SLK: variants seen among roughly 807,000 people sequenced by gnomAD.
The protein encoded by SLK is STE20-like serine/threonine-protein kinase.
In SLK, 67 loss-of-function variants were observed where a neutral mutation model predicts 147.7. The observed-to-expected ratio is 0.45, with a 90% CI of 0.37 to 0.56. The LOEUF is 0.56. Ranked by LOEUF, SLK falls within the 20% of genes least tolerant of loss-of-function variation. The pLI is 0.00. For synonymous variants in SLK, 441 were observed against 475.0 expected, an observed-to-expected ratio of 0.93 and a Z score of 0.93; for missense variants, 1,136 against 1,438.8, an observed-to-expected ratio of 0.79 and a Z score of 3.41.
chr10:104,016,067 C>T (rs906952637), intron 13 of SLK, among the ~76,000 whole-genome samples: 3 of 152,026 alleles, frequency 2.0e-5, no homozygotes, highest in African/African-American at 7.2e-5. Flanking sequence ...GCTTGTAATC[C>T]CAGCACTTTG....
chr10:104,005,823 A>C, intron 10 of SLK, 89 bp from the exon 11 acceptor site: 1 of 1,520,720 alleles, frequency 6.6e-7, no homozygotes, highest in Non-Finnish European at 8.9e-7. Context: ...GTTCCACTCG[A>C]AAGAAAATTT....
At chr10:104,023,524 G>A (rs150142919) in intron 18 of SLK, among the ~76,000 whole-genome samples, 166 of 152,286 alleles carry the variant, frequency 1.1e-3, no homozygotes, top group African/African-American at 3.8e-3. Flanking sequence ...TAGTACCTGA[G>A]CTATAGTAAT....
intron 1 of SLK, among the ~76,000 whole-genome samples, chr10:103,980,786 C>T (rs1843930586): frequency 6.6e-6 from 1 of 152,082 alleles, no homozygotes; most frequent in Non-Finnish European, 1.5e-5. Flanking sequence ...TAGCTACGAA[C>T]GTGGGTGTAC....
intron 4 of SLK, 22 bp from the exon 5 acceptor site, chr10:103,998,877 G>T (rs779972385): frequency 6.3e-6 from 10 of 1,579,646 alleles, no homozygotes; most frequent in Non-Finnish European, 8.7e-6. Flanking sequence ...TCTCATTAAT[G>T]CTTTTGTGTG....
chr10:104,008,000 A>AT (rs910450932), intron 11 of SLK, among the ~76,000 whole-genome samples, 177 bp from the exon 12 acceptor site: 1 of 152,006 alleles, frequency 6.6e-6, no homozygotes, highest in Admixed American at 6.6e-5. Flanking sequence ...AAAAGAACTC[A>AT]TTTTTTTGAG....
intron 1 of SLK, among the ~76,000 whole-genome samples, chr10:103,986,073 T>C (rs1844008569): frequency 6.6e-6 from 1 of 152,210 alleles, no homozygotes; most frequent in African/African-American, 2.4e-5. Context: ...TTTTTGTTTT[T>C]AACATTTGTT....
chr10:104,005,680 G>A lies in SLK; in HGVS notation c.2469G>A (p.Leu823=), dbSNP rs570410170. 5.0e-6 allele frequency: 8 copies of A among 1,610,674 alleles called. No individual in the cohort carries two copies. The South Asian group carries it at 6.7e-5, about 13-fold the overall frequency. The change falls in exon 10 of 19, where the codon TTG becomes TTA. Residue 823 remains leucine, a synonymous_variant. Coordinates refer to ENST00000369755, the MANE Select transcript of SLK (RefSeq NM_014720.4). ...ATAGTGATTCCAAAACTGAAGAATT[G>A]CGGTTTCTTAGGTGAGTAGAGAAAC... ...VTDSDSKTEE[L]RFLRRQELRE...
intron 1 of SLK, among the ~76,000 whole-genome samples, chr10:103,981,984 C>T (rs1843951506): frequency 6.6e-6 from 1 of 152,138 alleles, no homozygotes; most frequent in East Asian, 1.9e-4. Context: ...TTATTTATGT[C>T]TTTGATTTCT....
intron 4 of SLK, among the ~76,000 whole-genome samples, chr10:103,997,886 A>C (rs1375096027): frequency 6.6e-6 from 1 of 152,136 alleles, no homozygotes; most frequent in Non-Finnish European, 1.5e-5. Context: ...TTTTATTTGA[A>C]TATAGGGACA....
intron 1 of SLK, among the ~76,000 whole-genome samples, chr10:103,971,287 TG>T (rs1157452558): frequency 5.3e-5 from 8 of 152,358 alleles, no homozygotes; most frequent in African/African-American, 1.9e-4. Context: ...TGTTTTGTTT[TG>T]TTTTGAGATG....
Position 104,002,641 on chromosome 10 carries a change from C to T in SLK, c.1463C>T (p.Ser488Phe). Residue 488 changes from serine (S) to phenylalanine (F), a missense_variant, in exon 9 of 19, where the codon TCT becomes TTT. Ser to Phe is a radical substitution (Grantham distance 155, BLOSUM62 -2). Transcript: ENST00000369755. ...ATGTTTGAAAATAAGCTTATAAAAT[C>T]TGAAGAAATTAAAGATACTATTTTG... ...QQMFENKLIK[S>F]EEIKDTILQT... The T allele has an allele frequency of 6.2e-7, 1 of 1,608,286 alleles. No homozygotes were observed. Among genetic ancestry groups the T allele is most frequent in the Non-Finnish European group, 8.5e-7 (1 of 1,177,754 alleles).
chr10:104,012,621 G>C (rs1343334746), intron 13 of SLK, among the ~76,000 whole-genome samples: 1 of 152,198 alleles, frequency 6.6e-6, no homozygotes, highest in Non-Finnish European at 1.5e-5. Context: ...TCACACACCT[G>C]GGTAGTGGTA....
intron 1 of SLK, among the ~76,000 whole-genome samples, chr10:103,979,811 T>A (rs948722994): frequency 6.6e-6 from 1 of 152,234 alleles, no homozygotes; most frequent in Non-Finnish European, 1.5e-5. Flanking sequence ...TTGTGGTTTA[T>A]CTTTTCACTC....
intron 1 of SLK, among the ~76,000 whole-genome samples, chr10:103,973,438 T>G (rs61863696): frequency 0.24 from 35,882 of 152,070 alleles, 4,278 homozygotes; most frequent in Non-Finnish European, 0.24. Context: ...TTCTGCTGCT[T>G]CTTCAACATA....
intron 1 of SLK, among the ~76,000 whole-genome samples, chr10:103,985,995 C>G (rs1478556579): frequency 6.6e-6 from 1 of 152,136 alleles, no homozygotes; most frequent in Non-Finnish European, 1.5e-5. Flanking sequence ...GTGATCATGA[C>G]TGATATTTGA....
chr10:103,969,188 T>G (rs1843760409), intron 1 of SLK, among the ~76,000 whole-genome samples: 1 of 152,090 alleles, frequency 6.6e-6, no homozygotes, highest in Non-Finnish European at 1.5e-5. Context: ...AGGCTGGTCT[T>G]GAACTCCCGA....
At chr10:103,993,839 A>C (rs1589533394) in intron 4 of SLK, among the ~76,000 whole-genome samples, 2 of 152,248 alleles carry the variant, frequency 1.3e-5, no homozygotes, top group East Asian at 3.8e-4. Context: ...ACCAGTGACT[A>C]TAGTCATTTC....
At position 103,993,874 on chromosome 10, in the gene SLK, A is replaced by T. The variant is rs866068185; in HGVS notation, c.514+741A>T. On this transcript the variant is annotated intron_variant, in intron 4 of 18. Transcript: ENST00000369755. The stretch of plus-strand genomic sequence containing the variant: ...CACTTTACTTTGTCAAGACATTTAA[A>T]CAGATGGTGTACTAAATTTTATTCT... Among the ~76,000 whole-genome samples the T allele has an allele frequency of 2.0e-5, 3 of 152,284 alleles. No individual in the cohort carries two copies. The South Asian group carries it at 6.2e-4, about 32-fold the overall frequency.
At chr10:103,981,036 G>A (rs1564651350) in intron 1 of SLK, among the ~76,000 whole-genome samples, 1 of 152,062 alleles carries the variant, frequency 6.6e-6, no homozygotes, top group Non-Finnish European at 1.5e-5. Context: ...GTGGGTGTAA[G>A]GTGGTACTTA....
Sources: gnomAD v4.1 joint callset for allele counts (sites outside exome capture counted in the v4.1 genomes callset) on GRCh38, gnomAD v4.1.1 for gene constraint, MANE v1.5 for transcripts, NCBI Gene and HGNC (gene_info 2026-07-23, HGNC 2026-07-21) for gene names.